The following FOXO1 variants were observed in gnomAD, a reference collection of about 807,000 sequenced individuals.
The protein encoded by FOXO1 is forkhead box protein O1.
In FOXO1, 6 loss-of-function variants were observed where a neutral mutation model predicts 44.1. The observed-to-expected ratio is 0.14, with a 90% confidence interval of 0.07 to 0.27. The LOEUF is 0.27. FOXO1 is among the 10% of genes least tolerant of loss of function. The pLI is 1.00. For missense variants in FOXO1, 737 were observed against 888.8 expected (o/e 0.83, Z 2.17); for synonymous variants, 380 against 362.7 (o/e 1.05, Z -0.54).
chr13:40,622,245 T>C lies in FOXO1; in HGVS notation c.630+43338A>G, dbSNP rs1366476314. On this transcript the variant is annotated intron_variant, in intron 1 of 2. Coordinates refer to ENST00000379561, the MANE Select transcript of FOXO1 (RefSeq NM_002015.4). ...AGTGTTAAAATCTAAAAAAAGTCTA[T>C]AAAGAATCGATTGCATAGATAATAC... Among the ~76,000 whole-genome samples the C allele has an allele frequency of 6.6e-5, 10 of 152,352 alleles. No individual in the cohort carries two copies. In the East Asian group the frequency reaches 1.7e-3, roughly 26 times the overall value.
chr13:40,651,083 GGTTTTTT>G (rs1306280458), intron 1 of FOXO1, among the ~76,000 whole-genome samples: 28 of 125,960 alleles, frequency 2.2e-4, no homozygotes, highest in East Asian at 3.8e-4. Context: ...TAGTTTTTTT[GGTTTTTT>G]GTTTTTTGTT....
At chr13:40,650,523 T>C (rs1877645398) in intron 1 of FOXO1, among the ~76,000 whole-genome samples, 1 of 152,158 alleles carries the variant, frequency 6.6e-6, no homozygotes, top group Non-Finnish European at 1.5e-5. Context: ...AGAATGTTTA[T>C]TTCTGAGTTA....
At chr13:40,619,347 C>T in intron 1 of FOXO1, 1 of 581,006 alleles carries the variant, frequency 1.7e-6, no homozygotes, top group Admixed American at 2.6e-5. Flanking sequence ...ACTCAGAAGT[C>T]CCCAGAGAAA....
At chr13:40,581,248 C>G (rs1874945694) in intron 1 of FOXO1, among the ~76,000 whole-genome samples, 1 of 152,168 alleles carries the variant, frequency 6.6e-6, no homozygotes, top group Non-Finnish European at 1.5e-5. Flanking sequence ...CGAGCACAAA[C>G]AGGGCCACAA....
Position 40,646,890 on chromosome 13 carries a change from G to A in FOXO1, c.630+18693C>T, listed in dbSNP as rs115458390. ...ATTACAGGCGTGAGCCACCGCGCCC[G>A]GCCTGAACTTCGTAACAATTCAAAA... is the stretch of plus-strand genomic sequence containing the variant. On this transcript the variant is annotated intron_variant, in intron 1 of 2. Coordinates refer to ENST00000379561, the MANE Select transcript of FOXO1 (RefSeq NM_002015.4). 1.6e-3 allele frequency among the ~76,000 whole-genome samples: 248 copies of A among 152,138 alleles called. 1 individual carries two copies. The highest frequency in any genetic ancestry group is 5.4e-3 in the African/African-American group (224 of 41,494).
intron 1 of FOXO1, among the ~76,000 whole-genome samples, chr13:40,593,258 G>C (rs1052591283): frequency 1.3e-5 from 2 of 152,074 alleles, no homozygotes; most frequent in Non-Finnish European, 2.9e-5. Context: ...GAACTCCTGG[G>C]ATCAAGTGAT....
At chr13:40,651,647 C>T (rs1370775538) in intron 1 of FOXO1, among the ~76,000 whole-genome samples, 1 of 151,738 alleles carries the variant, frequency 6.6e-6, no homozygotes, top group South Asian at 2.1e-4. Flanking sequence ...AATACAAATA[C>T]ATGACATACA....
At chr13:40,604,519 T>C (rs1875929000) in intron 1 of FOXO1, among the ~76,000 whole-genome samples, 1 of 152,126 alleles carries the variant, frequency 6.6e-6, no homozygotes, top group Non-Finnish European at 1.5e-5. Context: ...CCCAGAATCA[T>C]ATTGGCATCA....
At chr13:40,656,228 C>T (rs1877855528) in intron 1 of FOXO1, among the ~76,000 whole-genome samples, 1 of 152,046 alleles carries the variant, frequency 6.6e-6, no homozygotes, top group African/African-American at 2.4e-5. Context: ...ATAATTATTG[C>T]AATAAGAAAG....
At chr13:40,660,948 A>AAACAACAACAAC (rs138057018) in intron 1 of FOXO1, among the ~76,000 whole-genome samples, 2 of 149,412 alleles carry the variant, frequency 1.3e-5, no homozygotes, top group African/African-American at 2.5e-5. Context: ...TGGCTCAGAA[A>AAACAACAACAAC]AACAACAACA....
chr13:40,584,236 A>G (rs1875064510), intron 1 of FOXO1, among the ~76,000 whole-genome samples: 2 of 152,028 alleles, frequency 1.3e-5, no homozygotes, highest in Admixed American at 6.6e-5. Flanking sequence ...GAAAGGCTGA[A>G]TAACAATCCA....
At position 40,636,435 on chromosome 13, in the gene FOXO1, C is replaced by G. The variant is rs1222226579; in HGVS notation, c.630+29148G>C. Among the ~76,000 whole-genome samples the G allele has an allele frequency of 2.6e-5, 4 of 151,376 alleles. 1 individual carries two copies. The East Asian group carries it at 7.7e-4, about 29-fold the overall frequency. On this transcript the variant is annotated intron_variant, in intron 1 of 2. Transcript: ENST00000379561. ...CTGTAATCTCAGCACTCTGGGAGGC[C>G]AATATGAGAGGACTGCTTGAGGCCA...
At chr13:40,650,893 T>C (rs988512830) in intron 1 of FOXO1, among the ~76,000 whole-genome samples, 6 of 152,128 alleles carry the variant, frequency 3.9e-5, no homozygotes, top group Non-Finnish European at 8.8e-5. Flanking sequence ...TAGCTGGGAC[T>C]ACAGGCATGC....
chr13:40,643,638 T>C (rs1298848242), intron 1 of FOXO1, among the ~76,000 whole-genome samples: 1 of 152,146 alleles, frequency 6.6e-6, no homozygotes, highest in African/African-American at 2.4e-5. Flanking sequence ...CTAGGAATGC[T>C]AGGAAAGATA....
chr13:40,582,178 T>C (rs1874979885), intron 1 of FOXO1, among the ~76,000 whole-genome samples: 1 of 152,194 alleles, frequency 6.6e-6, no homozygotes, highest in Admixed American at 6.5e-5. Context: ...GCATAAAAGG[T>C]ATGCATTATA....
At chr13:40,619,888 G>A (rs1876551244) in intron 1 of FOXO1, 2 of 717,548 alleles carry the variant, frequency 2.8e-6, no homozygotes, top group Admixed American at 3.8e-5. Context: ...ACATGTTTGG[G>A]AAAATGGGGC....
chr13:40,610,934 C>T (rs1363529619), intron 1 of FOXO1: 5 of 355,424 alleles, frequency 1.4e-5, no homozygotes, highest in Non-Finnish European at 2.8e-5. Context: ...AAATCTTCTA[C>T]CAGTATTCAT....
intron 1 of FOXO1, among the ~76,000 whole-genome samples, chr13:40,622,078 A>C (rs1330901425): frequency 6.6e-6 from 1 of 152,206 alleles, no homozygotes; most frequent in Non-Finnish European, 1.5e-5. Context: ...ATAATACTGA[A>C]CAAGTATTTA....
At chr13:40,600,097 A>G (rs1875762261) in intron 1 of FOXO1, among the ~76,000 whole-genome samples, 1 of 152,236 alleles carries the variant, frequency 6.6e-6, no homozygotes, top group African/African-American at 2.4e-5. Context: ...GCTGAAAACT[A>G]TCCTCACCTA....
Sources: allele counts gnomAD v4.1 joint callset (sites outside exome capture counted in the v4.1 genomes callset), GRCh38; gene constraint gnomAD v4.1.1; transcripts MANE v1.5; gene names NCBI Gene and HGNC (gene_info 2026-07-23, HGNC 2026-07-21).